MPHOSPH8: variants seen among roughly 807,000 people sequenced by gnomAD.
MPHOSPH8 encodes M-phase phosphoprotein, mpp.
A neutral mutation model predicts 87.3 loss-of-function variants in MPHOSPH8; 45 were observed. That is an observed-to-expected ratio of 0.52 (90% CI 0.41 to 0.66). The LOEUF (loss-of-function observed/expected upper bound fraction) is 0.66. Ranked by LOEUF, MPHOSPH8 falls within the 30% of genes least tolerant of loss-of-function variation. MPHOSPH8 has a pLI of 0.00. For missense variants in MPHOSPH8, 883 were observed against 1,020.2 expected (o/e 0.87, Z 1.83); for synonymous variants, 366 against 376.9 (o/e 0.97, Z 0.33).
At chr13:19,659,664 CAAAA>C in intron 7 of MPHOSPH8, 22 of 321,224 alleles carry the variant, frequency 6.8e-5, no homozygotes, top group South Asian at 1.8e-4. Context: ...ACTCCCATCT[CAAAA>C]AAAAAAAAAA....
At chr13:19,642,788 A>AT (rs751218213) in intron 2 of MPHOSPH8, among the ~76,000 whole-genome samples, 1 of 152,144 alleles carries the variant, frequency 6.6e-6, no homozygotes, top group Non-Finnish European at 1.5e-5. Context: ...TCTCCCTACA[A>AT]TTTAAGTTTC....
In MPHOSPH8 at chr13:19,659,048, A is replaced by C. The variant is rs774528734; in HGVS notation, c.1630A>C (p.Lys544Gln). Residue 544 changes from lysine (K) to glutamine (Q), a missense_variant, in exon 6 of 14, where the codon AAG becomes CAG. Around this residue, in one of 3 missense-constraint regions of MPHOSPH8, gnomAD observed 741 missense variants for 841.5 expected, o/e 0.88. Transcript: ENST00000361479. Reference sequence around the variant, plus strand: ...CATGGACCTGCAGTTGGAATGGATGAAGTTGGAAGATTTCCAAAAGCACCT... The same window carrying C: ...CATGGACCTGCAGTTGGAATGGATGCAGTTGGAAGATTTCCAAAAGCACCT... Reference protein sequence around the residue: ...LGMDLQLEWMKLEDFQKHLDG... With the variant: ...LGMDLQLEWMQLEDFQKHLDG... 60 of 1,614,180 alleles carry C rather than the reference A, an allele frequency of 3.7e-5. 1 individual carries two copies. The Middle Eastern group carries it at 9.9e-4, about 27-fold the overall frequency.
rs542223850 is a variant in MPHOSPH8, at chr13:19,642,017, A to G, written c.214-98A>G. 8.6e-5 allele frequency: 87 copies of G among 1,006,248 alleles called. No individual in the cohort carries two copies. In the African/African-American group the frequency reaches 1.1e-3, roughly 12 times the overall value. 62.3% of individuals were successfully genotyped at this position (1,006,248 alleles called of 1,614,324 possible). ...AATTTCCACTTAGAAGCAATTTTCA[A>G]GTTCTTTCATGTCTTCTCATCAGTT... On this transcript the variant is annotated intron_variant, in intron 1 of 13. Transcript: ENST00000361479.
At chr13:19,638,975 T>G (rs996832641) in intron 1 of MPHOSPH8, among the ~76,000 whole-genome samples, 1 of 150,492 alleles carries the variant, frequency 6.6e-6, no homozygotes, top group Non-Finnish European at 1.5e-5. Context: ...CCCAGCTACT[T>G]GGGAGGGAGA....
chr13:19,662,097 C>T (rs1336926162), intron 8 of MPHOSPH8, among the ~76,000 whole-genome samples: 2 of 151,916 alleles, frequency 1.3e-5, no homozygotes, highest in East Asian at 3.9e-4. Flanking sequence ...TGCCACCACA[C>T]CCGGCTAATT....
In MPHOSPH8 at chr13:19,645,460, G is replaced by A. The variant is rs544736408; in HGVS notation, c.370-983G>A. Among the ~76,000 whole-genome samples the A allele has an allele frequency of 8.5e-5, 13 of 152,270 alleles. No homozygotes were observed. The South Asian group carries it at 2.5e-3, about 29-fold the overall frequency. ...CTTGGTGGTGTCCATTTCTTAGGCAGTGCAGGGAAGACATTTTTAAAGTAT... is the reference window on the plus strand; with the variant it reads ...CTTGGTGGTGTCCATTTCTTAGGCAATGCAGGGAAGACATTTTTAAAGTAT... On this transcript the variant is annotated intron_variant, in intron 2 of 13. Transcript: ENST00000361479.
intron 5 of MPHOSPH8, among the ~76,000 whole-genome samples, chr13:19,655,815 G>A (rs771654204): frequency 3.9e-5 from 6 of 152,176 alleles, no homozygotes; most frequent in Admixed American, 2.0e-4. Context: ...GGAAAGGAAC[G>A]GGGAGGGGAA....
Position 19,673,132 on chromosome 13 carries a change from T to C in MPHOSPH8, c.*1257T>C, listed in dbSNP as rs1467144579. The C allele has an allele frequency of 2.2e-6, 1 of 453,428 alleles. No individual in the cohort carries two copies. The highest frequency in any genetic ancestry group is 4.4e-6 in the Non-Finnish European group (1 of 226,264). 28.1% of individuals were successfully genotyped at this position (453,428 alleles called of 1,614,324 possible). ...TTTTGAAAAGCCAGACCTTGTGCCC[T>C]TGTTTTGAACACCGACTGGGAAGAT... On this transcript the variant is annotated 3_prime_UTR_variant, in exon 14 of 14. Coordinates refer to ENST00000361479, the MANE Select transcript of MPHOSPH8 (RefSeq NM_017520.4).
intron 10 of MPHOSPH8, among the ~76,000 whole-genome samples, chr13:19,667,338 T>TA (rs1875876241): frequency 6.6e-6 from 1 of 152,166 alleles, no homozygotes; most frequent in South Asian, 2.1e-4. Flanking sequence ...CAGTGGGACA[T>TA]ACAGCTGGGG....
intron 1 of MPHOSPH8, among the ~76,000 whole-genome samples, chr13:19,634,380 A>T (rs1286794955): frequency 6.6e-6 from 1 of 152,066 alleles, no homozygotes; most frequent in Non-Finnish European, 1.5e-5. Flanking sequence ...ATCTTCCGGA[A>T]TTTTCATTTG....
chr13:19,660,511 G>A (rs1314003908), intron 7 of MPHOSPH8, among the ~76,000 whole-genome samples: 1 of 152,004 alleles, frequency 6.6e-6, no homozygotes, highest in African/African-American at 2.4e-5. Context: ...AAATTATTGG[G>A]CTTTTGATTA....
chr13:19,662,088 G>C (rs1875569119), intron 8 of MPHOSPH8, among the ~76,000 whole-genome samples: 1 of 151,638 alleles, frequency 6.6e-6, no homozygotes, highest in Non-Finnish European at 1.5e-5. Flanking sequence ...GCAGGTACCT[G>C]CCACCACACC....
chr13:19,638,486 G>A (rs943546427), intron 1 of MPHOSPH8, among the ~76,000 whole-genome samples: 6 of 150,574 alleles, frequency 4.0e-5, no homozygotes, highest in Non-Finnish European at 5.9e-5. Context: ...GGTGGTGTGC[G>A]CCTGTAGTCT....
At chr13:19,653,117 C>T (rs534250098) in intron 5 of MPHOSPH8, among the ~76,000 whole-genome samples, 1 of 152,254 alleles carries the variant, frequency 6.6e-6, no homozygotes, top group East Asian at 1.9e-4. Flanking sequence ...GGTCCCTGAC[C>T]CCCATGTCTC....
chr13:19,652,274 G>A (rs1455292052), intron 5 of MPHOSPH8, among the ~76,000 whole-genome samples: 1 of 152,184 alleles, frequency 6.6e-6, no homozygotes, highest in Non-Finnish European at 1.5e-5. Context: ...TGCAGCCCAC[G>A]GAGGGTGAGC....
At position 19,666,676 on chromosome 13, in the gene MPHOSPH8, G is replaced by A. The variant is rs1875836638; in HGVS notation, c.2174+97G>A. On this transcript the variant is annotated intron_variant, in intron 10 of 13. Coordinates refer to ENST00000361479, the MANE Select transcript of MPHOSPH8 (RefSeq NM_017520.4). ...GGAGTGGCCTGTGTGTAACTGCTCA[G>A]AAAAACATCCAGCACAAGTCCTGAT... The A allele has an allele frequency of 2.7e-6, 3 of 1,099,350 alleles. No individual in the cohort carries two copies. In the South Asian group the frequency reaches 8.0e-5, roughly 29 times the overall value. The allele number at this position is 1,099,350 out of a possible 1,614,324, so 68.1% of individuals were successfully genotyped here. A position where few individuals can be genotyped will look rare whatever the true frequency, so the allele number is the denominator to read the frequency against.
In MPHOSPH8 at chr13:19,671,830, A is replaced by C. The variant is rs750170591; in HGVS notation, c.2542-4A>C. Reference sequence around the variant, plus strand: ...CTGACACCTGCGTTCTTTTCTTTCAACAGGTTAAGTTGCTAATAGGTGCAT... The same window carrying C: ...CTGACACCTGCGTTCTTTTCTTTCACCAGGTTAAGTTGCTAATAGGTGCAT... On this transcript the variant is annotated splice_region_variant and splice_polypyrimidine_tract_variant and intron_variant, in intron 13 of 13. Transcript: ENST00000361479. 6.2e-7 allele frequency: 1 copy of C among 1,614,106 alleles called. No individual in the cohort carries two copies. The highest frequency in any genetic ancestry group is 1.7e-5 in the Admixed American group (1 of 60,014).
In MPHOSPH8 at chr13:19,661,708, G is replaced by A; in HGVS notation, c.1802G>A (p.Gly601Glu). The change falls in exon 8 of 14, where the codon GGA becomes GAA. Residue 601 changes from glycine (G) to glutamate (E), a missense_variant. Physicochemically the swap from Gly to Glu is moderately conservative, Grantham distance 98 (BLOSUM62 -2). Around this residue, in one of 3 missense-constraint regions of MPHOSPH8, gnomAD observed 741 missense variants for 841.5 expected, o/e 0.88. Coordinates refer to ENST00000361479, the MANE Select transcript of MPHOSPH8 (RefSeq NM_017520.4). Reference protein sequence around the residue: ...EYNLDQEDSSGMTLVMLAAAG... With the variant: ...EYNLDQEDSSEMTLVMLAAAG... ...AACAAACCAACACAGGATTCCAGTGGAATGACACTGGTGATGCTTGCCGCC... is the reference window on the plus strand; with the variant it reads ...AACAAACCAACACAGGATTCCAGTGAAATGACACTGGTGATGCTTGCCGCC... 1 of 1,600,472 alleles carries A rather than the reference G, an allele frequency of 6.2e-7. No individual in the cohort carries two copies. Among genetic ancestry groups the A allele is most frequent in the Non-Finnish European group, 8.5e-7 (1 of 1,171,198 alleles).
At chr13:19,649,703 A>G (rs1874742356) in intron 4 of MPHOSPH8, among the ~76,000 whole-genome samples, 1 of 152,102 alleles carries the variant, frequency 6.6e-6, no homozygotes, top group Non-Finnish European at 1.5e-5. Flanking sequence ...GACTTGGATC[A>G]CTCTGAGACT....
Sources: allele counts gnomAD v4.1 joint callset (sites outside exome capture counted in the v4.1 genomes callset), GRCh38; gene constraint gnomAD v4.1.1; regional missense constraint gnomAD v4.1.1; transcripts MANE v1.5; gene names NCBI Gene and HGNC (gene_info 2026-07-23, HGNC 2026-07-21).